The following TENM3 variants were observed in gnomAD, a reference collection of about 807,000 sequenced individuals.
TENM3 encodes teneurin-3.
TENM3 carries 63 observed loss-of-function variants against 255.1 expected under a neutral mutation model. The observed-to-expected ratio is 0.25, with a 90% confidence interval of 0.20 to 0.30. The LOEUF is 0.30. Ranked by LOEUF, TENM3 falls within the 10% of genes least tolerant of loss-of-function variation. The pLI is 1.00. For synonymous variants in TENM3, 1,306 were observed against 1,322.3 expected (o/e 0.99, Z 0.27); for missense variants, 2,929 against 3,461.1 (o/e 0.85, Z 3.86).
chr4:182,519,912 T>C (rs779020174), intron 3 of TENM3, among the ~76,000 whole-genome samples: 4 of 152,134 alleles, frequency 2.6e-5, no homozygotes, highest in Non-Finnish European at 5.9e-5. Flanking sequence ...TTTCAAAATT[T>C]CTAAGTGAAT....
rs1766999656 is a variant in TENM3, at chr4:182,801,930, G to A, written c.*1579G>A. ...TTTCCTGAGCACTAAATTCAGCCACGAAAATATTTTTAGAAGATATTTCTC... is the reference window on the plus strand; with the variant it reads ...TTTCCTGAGCACTAAATTCAGCCACAAAAATATTTTTAGAAGATATTTCTC... On this transcript the variant is annotated 3_prime_UTR_variant, in exon 28 of 28. Coordinates refer to ENST00000511685, the MANE Select transcript of TENM3 (RefSeq NM_001080477.4). The A allele has an allele frequency of 6.6e-6, 1 of 152,596 alleles. No homozygotes were observed. Among genetic ancestry groups the A allele is most frequent in the African/African-American group, 2.4e-5 (1 of 41,434 alleles). The allele number at this position is 152,596 out of a possible 1,614,324, so 9.5% of individuals were successfully genotyped here. A position where few individuals can be genotyped will look rare whatever the true frequency, so the allele number is the denominator to read the frequency against.
chr4:181,617,142 AAAGACAG>A, the TENM3 span, among the ~76,000 whole-genome samples: 3 of 152,198 alleles, frequency 2.0e-5, no homozygotes, highest in Non-Finnish European at 4.4e-5. Context: ...AAAATGATCG[AAAGACAG>A]ATAATAGATG....
At chr4:182,620,794 T>C (rs1750049654) in intron 4 of TENM3, among the ~76,000 whole-genome samples, 1 of 152,084 alleles carries the variant, frequency 6.6e-6, no homozygotes, top group Non-Finnish European at 1.5e-5. Flanking sequence ...AGTGGTGCAA[T>C]CACAGCTCAC....
chr4:182,701,442 A>G (rs13150305), intron 12 of TENM3, among the ~76,000 whole-genome samples: 41,813 of 151,168 alleles, frequency 0.28, 6,223 homozygotes, highest in Non-Finnish European at 0.34. Flanking sequence ...GGATGGTCTC[A>G]AGCTCCTGAC....
At chr4:182,241,752 C>T (rs1757276553), upstream of TENM3, among the ~76,000 whole-genome samples, 1 of 152,002 alleles carries the variant, frequency 6.6e-6, no homozygotes, top group Non-Finnish European at 1.5e-5. Context: ...CGTGATCCAC[C>T]TGCCTCGGCC....
the TENM3 span, among the ~76,000 whole-genome samples, chr4:181,682,958 A>T: frequency 2.3e-3 from 351 of 152,134 alleles, 1 homozygote; most frequent in African/African-American, 7.9e-3. Context: ...TCACACCTTT[A>T]ATCCCAGTGC....
intron 3 of TENM3, among the ~76,000 whole-genome samples, chr4:182,515,997 T>C (rs1737902553): frequency 6.6e-6 from 1 of 152,210 alleles, no homozygotes; most frequent in South Asian, 2.1e-4. Flanking sequence ...GCAAAAAGTT[T>C]ATTGTTGAGT....
intron 6 of TENM3, among the ~76,000 whole-genome samples, chr4:182,657,618 T>A (rs1753863843): frequency 6.6e-6 from 1 of 152,124 alleles, no homozygotes; most frequent in Non-Finnish European, 1.5e-5. Context: ...CTCTCTCTTC[T>A]ACCAGCCTTC....
the TENM3 span, among the ~76,000 whole-genome samples, chr4:181,632,146 T>G: frequency 6.6e-6 from 1 of 152,230 alleles, no homozygotes; most frequent in South Asian, 2.1e-4. Flanking sequence ...CAGTTCTACA[T>G]GGCTGGGGAG....
chr4:182,599,203 C>G (rs555050013), intron 3 of TENM3, among the ~76,000 whole-genome samples: 152 of 152,208 alleles, frequency 1.0e-3, no homozygotes, highest in Non-Finnish European at 1.7e-3. Flanking sequence ...TTATATGAAA[C>G]CTGAATAATA....
chr4:182,548,702 T>A (rs1289385706), intron 3 of TENM3: 1 of 152,184 alleles, frequency 6.6e-6, no homozygotes, highest in Non-Finnish European at 1.5e-5. Flanking sequence ...TAGTGTCTGT[T>A]CTTACCGGTT....
At chr4:182,349,615 C>T (rs143313964) in intron 3 of TENM3, among the ~76,000 whole-genome samples, 1 of 152,212 alleles carries the variant, frequency 6.6e-6, no homozygotes, top group Non-Finnish European at 1.5e-5. Flanking sequence ...TACATAGGTT[C>T]TTCTAACAAC....
the TENM3 span, among the ~76,000 whole-genome samples, chr4:181,951,959 GAT>G: frequency 2.0e-5 from 3 of 152,078 alleles, no homozygotes; most frequent in Non-Finnish European, 4.4e-5. Context: ...TGTCTAGTGG[GAT>G]ATGTTTTGTT....
At chr4:182,563,236 G>A (rs1463155606) in intron 3 of TENM3, among the ~76,000 whole-genome samples, 5 of 152,022 alleles carry the variant, frequency 3.3e-5, no homozygotes, top group East Asian at 1.9e-4. Context: ...CCAACATGTC[G>A]TGCATATGTA....
chr4:181,652,866 A>G, the TENM3 span, among the ~76,000 whole-genome samples: 1 of 152,204 alleles, frequency 6.6e-6, no homozygotes, highest in South Asian at 2.1e-4. Flanking sequence ...TTTACACCGA[A>G]TCTTCACACA....
At chr4:182,013,745 G>A in the TENM3 span, among the ~76,000 whole-genome samples, 4 of 151,974 alleles carry the variant, frequency 2.6e-5, no homozygotes, top group Admixed American at 6.5e-5. Context: ...GTCAAATTTT[G>A]TCTACATTTA....
chr4:181,922,703 T>G, the TENM3 span, among the ~76,000 whole-genome samples: 1 of 151,662 alleles, frequency 6.6e-6, no homozygotes, highest in Non-Finnish European at 1.5e-5. Context: ...ATTCATTAAT[T>G]TTTTGAAGGG....
chr4:182,213,903 G>T (rs1482144378), intron 1 of TENM3, among the ~76,000 whole-genome samples: 1 of 152,008 alleles, frequency 6.6e-6, no homozygotes, highest in Non-Finnish European at 1.5e-5. Context: ...CTGGGTTCAC[G>T]CCATTCTCCT....
intron 3 of TENM3, among the ~76,000 whole-genome samples, chr4:182,528,805 A>G (rs1200602086): frequency 6.6e-6 from 1 of 152,254 alleles, no homozygotes; most frequent in Non-Finnish European, 1.5e-5. Context: ...TTTAAAAAAT[A>G]GCAAAAATAT....
Sources: gnomAD v4.1 joint callset for allele counts (sites outside exome capture counted in the v4.1 genomes callset) on GRCh38, gnomAD v4.1.1 for gene constraint, MANE v1.5 for transcripts, NCBI Gene and HGNC (gene_info 2026-07-23, HGNC 2026-07-21) for gene names.